Variants in PTGER3 observed in about 807,000 individuals in gnomAD.
PTGER3 encodes the protein prostaglandin E receptor 3, also known as prostaglandin E2 receptor EP3 subtype.
In PTGER3, 22 loss-of-function variants were observed where a neutral mutation model predicts 34.7. The ratio of observed to expected loss-of-function variants is 0.63; its 90% CI spans 0.45 to 0.91. The LOEUF (loss-of-function observed/expected upper bound fraction) is 0.91, where lower values mean the gene tolerates loss of function less well. Ranked by LOEUF, PTGER3 falls within the 40% of genes least tolerant of loss-of-function variation. PTGER3 has a pLI of 0.00. For missense variants in PTGER3, 468 were observed against 519.4 expected, an observed-to-expected ratio of 0.90 and a Z score of 0.96; for synonymous variants, 241 against 230.1, an observed-to-expected ratio of 1.05 and a Z score of -0.43.
At chr1:70,879,212 T>G (rs1389620711) in intron 4 of PTGER3, among the ~76,000 whole-genome samples, 1 of 151,882 alleles carries the variant, frequency 6.6e-6, no homozygotes, top group African/African-American at 2.4e-5. Context: ...GAACTCTTTG[T>G]AATTATGTAA....
intron 4 of PTGER3, among the ~76,000 whole-genome samples, chr1:70,898,462 C>T (rs1169360299): frequency 6.6e-6 from 1 of 152,144 alleles, no homozygotes; most frequent in Non-Finnish European, 1.5e-5. Flanking sequence ...TTCCTCATCT[C>T]CTCTCGAATG....
At chr1:70,953,886 T>C (rs1651034097) in intron 2 of PTGER3, 1 of 565,832 alleles carries the variant, frequency 1.8e-6, no homozygotes, top group Non-Finnish European at 3.0e-6. Context: ...TGAAAATAGC[T>C]ATTTCTGTGA....
At chr1:71,041,638 A>C (rs1660321523) in intron 1 of PTGER3, among the ~76,000 whole-genome samples, 1 of 152,220 alleles carries the variant, frequency 6.6e-6, no homozygotes, top group Non-Finnish European at 1.5e-5. Flanking sequence ...GAGATTGTCT[A>C]ATGATTCTCA....
chr1:70,974,393 G>A lies in PTGER3; in HGVS notation c.1078-5C>T, dbSNP rs974902381. ...GTTGTTTGTGTGGTACCTGATCTGT[G>A]AACAGACAGAGGATTTCACAGGACA... On this transcript the variant is annotated splice_polypyrimidine_tract_variant and splice_region_variant and intron_variant, in intron 2 of 3. Transcript: ENST00000306666. 1.0e-6 allele frequency: 1 copy of A among 953,248 alleles called. No individual in the cohort carries two copies. 59.0% of individuals were successfully genotyped at this position (953,248 alleles called of 1,614,324 possible). A position where few individuals can be genotyped will look rare whatever the true frequency, so the allele number is the denominator to read the frequency against.
At position 71,012,915 on chromosome 1, in the gene PTGER3, A is replaced by G. The variant is rs1055424466; in HGVS notation, c.898-431T>C. On this transcript the variant is annotated intron_variant, in intron 1 of 3. Coordinates refer to ENST00000306666, the MANE Select transcript of PTGER3 (RefSeq NM_198719.2). ...TTACTGCAGAAAAAGTAGACGCAAG[A>G]AAGGAGGAAATATTATTATTATTAT... Among the ~76,000 whole-genome samples the G allele has an allele frequency of 5.7e-5, 5 of 87,670 alleles. No homozygotes were observed. The Admixed American group carries it at 7.1e-4, about 12-fold the overall frequency. The allele number at this position is 87,670 out of a possible 152,430, so 57.5% of individuals were successfully genotyped here.
chr1:70,887,707 T>C (rs1162962136), intron 4 of PTGER3, among the ~76,000 whole-genome samples: 1 of 152,176 alleles, frequency 6.6e-6, no homozygotes, highest in Non-Finnish European at 1.5e-5. Context: ...CATTAGAGAA[T>C]ATAAAGCAGA....
intron 1 of PTGER3, among the ~76,000 whole-genome samples, chr1:71,014,856 G>A (rs1466144530): frequency 6.6e-6 from 1 of 152,196 alleles, no homozygotes; most frequent in Non-Finnish European, 1.5e-5. Flanking sequence ...CATCACAGGT[G>A]CAGCTTCCAA....
chr1:70,922,156 T>A (rs1441744788), intron 4 of PTGER3, among the ~76,000 whole-genome samples: 1 of 152,178 alleles, frequency 6.6e-6, no homozygotes, highest in Non-Finnish European at 1.5e-5. Context: ...CTTGGAGATA[T>A]CAGATTCTAG....
chr1:71,012,255 G>GGCT (rs1657509100), intron 2 of PTGER3, 50 bp downstream of exon 2: 1 of 1,613,850 alleles, frequency 6.2e-7, no homozygotes, highest in African/African-American at 1.3e-5. Context: ...TAATGAGATA[G>GGCT]GCTGCCCTTT....
chr1:70,991,913 G>C (rs1352338675), intron 2 of PTGER3, among the ~76,000 whole-genome samples: 4 of 152,186 alleles, frequency 2.6e-5, no homozygotes, highest in Non-Finnish European at 4.4e-5. Context: ...TAGGTCTTAT[G>C]GTGGATCCTA....
At chr1:70,969,154 C>G (rs1652831681), downstream of PTGER3, among the ~76,000 whole-genome samples, 1 of 151,966 alleles carries the variant, frequency 6.6e-6, no homozygotes, top group African/African-American at 2.4e-5. Context: ...TTGCAGTGAC[C>G]CGAGATCGCA....
rs564214063 is a variant in PTGER3 at position 71,036,825 on chromosome 1, C to G, written c.897+9856G>C. Among the ~76,000 whole-genome samples, 7 of 145,066 alleles carry G rather than the reference C, an allele frequency of 4.8e-5. 1 individual carries two copies. In the South Asian group the frequency reaches 1.6e-3, roughly 33 times the overall value. ...CTGTACTCCAGCCTGGGTGACAGAA[C>G]GAGACTTTGTCTCAAAAAAAAAAAA... On this transcript the variant is annotated intron_variant, in intron 1 of 3. Coordinates refer to ENST00000306666, the MANE Select transcript of PTGER3 (RefSeq NM_198719.2).
At chr1:70,931,387 T>C (rs916200452) in intron 4 of PTGER3, among the ~76,000 whole-genome samples, 1 of 152,170 alleles carries the variant, frequency 6.6e-6, no homozygotes, top group Non-Finnish European at 1.5e-5. Context: ...TCTGCCCTCT[T>C]CTCACAACTC....
intron 2 of PTGER3, among the ~76,000 whole-genome samples, chr1:70,980,983 T>C: frequency 6.6e-6 from 1 of 152,050 alleles, no homozygotes; most frequent in Non-Finnish European, 1.5e-5. Context: ...TTTGAGAATG[T>C]CAAGAAAATA....
intron 1 of PTGER3, among the ~76,000 whole-genome samples, chr1:71,035,583 C>T (rs1659750124): frequency 6.6e-6 from 1 of 152,208 alleles, no homozygotes; most frequent in African/African-American, 2.4e-5. Context: ...GATGCTCTAC[C>T]CATCTAATCC....
At chr1:71,022,602 T>C (rs1557750495) in intron 1 of PTGER3, among the ~76,000 whole-genome samples, 1 of 151,866 alleles carries the variant, frequency 6.6e-6, no homozygotes, top group African/African-American at 2.4e-5. Flanking sequence ...ATGCATCTTA[T>C]ATTCAGGATG....
At chr1:70,855,661 A>G (rs1645786050) in intron 4 of PTGER3, among the ~76,000 whole-genome samples, 1 of 152,204 alleles carries the variant, frequency 6.6e-6, no homozygotes, top group Admixed American at 6.5e-5. Flanking sequence ...GAATTATGAC[A>G]GAGTATTAAT....
chr1:70,949,715 T>G (rs1572731851), downstream of PTGER3, among the ~76,000 whole-genome samples: 1 of 152,128 alleles, frequency 6.6e-6, no homozygotes, highest in African/African-American at 2.4e-5. Flanking sequence ...CACAGGTAGG[T>G]GAAGGTCTAG....
At chr1:70,860,511 T>G (rs1010884216) in intron 4 of PTGER3, among the ~76,000 whole-genome samples, 1 of 152,142 alleles carries the variant, frequency 6.6e-6, no homozygotes, top group African/African-American at 2.4e-5. Flanking sequence ...CTTTCTTAAA[T>G]GGATGTATAG....
Sources: allele counts gnomAD v4.1 joint callset (sites outside exome capture counted in the v4.1 genomes callset), GRCh38; gene constraint gnomAD v4.1.1; transcripts MANE v1.5; gene names NCBI Gene and HGNC (gene_info 2026-07-23, HGNC 2026-07-21).